NCALD: variants seen among roughly 807,000 people sequenced by gnomAD.
NCALD encodes the protein neurocalcin delta, also known as neurocalcin-delta.
A neutral mutation model predicts 18.6 loss-of-function variants in NCALD; 10 were observed. The observed-to-expected ratio is 0.54, with a 90% confidence interval of 0.33 to 0.91. The LOEUF is 0.91. Ranked by LOEUF, NCALD falls within the 40% of genes least tolerant of loss-of-function variation. The pLI is 0.03. For missense variants in NCALD, 184 were observed against 247.6 expected (o/e 0.74, Z 1.72); for synonymous variants, 88 against 87.4 (o/e 1.01, Z -0.04).
At chr8:101,691,705 A>G in intron 3 of NCALD, 2 of 985,424 alleles carry the variant, frequency 2.0e-6, no homozygotes, top group Non-Finnish European at 2.4e-6. Context: ...GGAGGAAACA[A>G]GCAAGCAGAC....
At chr8:102,068,169 T>C (rs1054413655) in intron 1 of NCALD, among the ~76,000 whole-genome samples, 2 of 152,112 alleles carry the variant, frequency 1.3e-5, no homozygotes, top group South Asian at 2.1e-4. Context: ...TAGAAGCATA[T>C]CAGGAATCAA....
At chr8:101,711,625 C>T (rs1311034504) in intron 2 of NCALD, among the ~76,000 whole-genome samples, 1 of 151,562 alleles carries the variant, frequency 6.6e-6, no homozygotes, top group Non-Finnish European at 1.5e-5. Context: ...GTGAAGCATA[C>T]ACAAGTATCA....
chr8:102,096,986 A>T (rs1370215060), intron 1 of NCALD, among the ~76,000 whole-genome samples: 1 of 152,174 alleles, frequency 6.6e-6, no homozygotes, highest in Non-Finnish European at 1.5e-5. Flanking sequence ...TCACATTCTG[A>T]GGTACTGGGG....
intron 4 of NCALD, among the ~76,000 whole-genome samples, chr8:101,874,251 A>C (rs971607317): frequency 1.3e-5 from 2 of 152,238 alleles, no homozygotes; most frequent in African/African-American, 4.8e-5. Flanking sequence ...TGATAGCTGT[A>C]TCTAGACACT....
At chr8:101,892,689 C>T (rs1332828089) in intron 3 of NCALD, among the ~76,000 whole-genome samples, 1 of 150,388 alleles carries the variant, frequency 6.6e-6, no homozygotes, top group African/African-American at 2.5e-5. Context: ...AAGCTGAAAA[C>T]CAAGGCTCGA....
At chr8:101,899,350 A>G (rs767286628) in intron 3 of NCALD, among the ~76,000 whole-genome samples, 2 of 151,596 alleles carry the variant, frequency 1.3e-5, no homozygotes, top group African/African-American at 2.4e-5. Context: ...GAATGGTTTT[A>G]TTTCTTCCTT....
intron 3 of NCALD, among the ~76,000 whole-genome samples, chr8:101,894,601 T>C (rs1488961855): frequency 1.4e-5 from 2 of 142,744 alleles, no homozygotes; most frequent in Non-Finnish European, 1.5e-5. Context: ...ATCAACAAAA[T>C]TGATAGACTG....
chr8:101,974,945 T>G (rs1430336358), intron 2 of NCALD, among the ~76,000 whole-genome samples: 1 of 152,184 alleles, frequency 6.6e-6, no homozygotes, highest in Non-Finnish European at 1.5e-5. Context: ...ATATACTGAA[T>G]CAACGCAATT....
chr8:102,104,079 G>A (rs1411825091), intron 1 of NCALD, among the ~76,000 whole-genome samples: 1 of 152,150 alleles, frequency 6.6e-6, no homozygotes, highest in African/African-American at 2.4e-5. Flanking sequence ...AGGTCGCGTA[G>A]CCTCAAACTA....
intron 1 of NCALD, among the ~76,000 whole-genome samples, chr8:101,755,871 T>A (rs899295463): frequency 6.6e-6 from 1 of 152,204 alleles, no homozygotes; most frequent in African/African-American, 2.4e-5. Context: ...ATCAGATGAC[T>A]CTTTTACCAG....
intron 1 of NCALD, among the ~76,000 whole-genome samples, chr8:102,107,505 GA>G (rs1316125277): frequency 1.3e-5 from 2 of 151,966 alleles, no homozygotes. Flanking sequence ...AAAAATCAGA[GA>G]ACTAAAGTAT....
intron 1 of NCALD, among the ~76,000 whole-genome samples, chr8:101,743,544 C>T (rs555945182): frequency 6.6e-6 from 1 of 152,238 alleles, no homozygotes; most frequent in African/African-American, 2.4e-5. Context: ...GTTTTATGGG[C>T]ACAGGGGGAT....
intron 2 of NCALD, among the ~76,000 whole-genome samples, chr8:101,712,587 C>CAAAGAAA (rs1815852087): frequency 1.3e-5 from 1 of 78,908 alleles, no homozygotes. Context: ...AAATGGAAAG[C>CAAAGAAA]AAAAAAAAAA....
chr8:102,096,602 G>T (rs1825110945), intron 1 of NCALD, among the ~76,000 whole-genome samples: 1 of 152,246 alleles, frequency 6.6e-6, no homozygotes, highest in African/African-American at 2.4e-5. Flanking sequence ...TTGCATAGGA[G>T]TGTGACCTTT....
At chr8:102,101,900 A>C (rs1352423527) in intron 1 of NCALD, among the ~76,000 whole-genome samples, 1 of 152,188 alleles carries the variant, frequency 6.6e-6, no homozygotes, top group Admixed American at 6.5e-5. Flanking sequence ...TTAATTTTCT[A>C]TCTTATGGAG....
intron 4 of NCALD, among the ~76,000 whole-genome samples, chr8:101,863,880 G>A (rs973474303): frequency 3.9e-5 from 6 of 152,172 alleles, no homozygotes; most frequent in African/African-American, 1.4e-4. Flanking sequence ...AACCAGGGTT[G>A]TGGTTCACTT....
intron 1 of NCALD, among the ~76,000 whole-genome samples, chr8:102,035,287 T>C (rs1822823200): frequency 1.3e-5 from 2 of 152,182 alleles, no homozygotes; most frequent in African/African-American, 4.8e-5. Flanking sequence ...CTCTTCCTTA[T>C]ATTAACCCAA....
At chr8:102,016,985 GAT>G (rs2132086215) in intron 2 of NCALD, among the ~76,000 whole-genome samples, 1 of 152,110 alleles carries the variant, frequency 6.6e-6, no homozygotes, top group South Asian at 2.1e-4. Flanking sequence ...TGCAAGAAAA[GAT>G]AAAGGATCTT....
At chr8:101,715,190 C>G (rs2130382119) in intron 2 of NCALD, among the ~76,000 whole-genome samples, 1 of 152,290 alleles carries the variant, frequency 6.6e-6, no homozygotes, top group African/African-American at 2.4e-5. Context: ...CTACAACCAT[C>G]TGATCTTTGA....
Sources: gnomAD v4.1 joint callset for allele counts (sites outside exome capture counted in the v4.1 genomes callset) on GRCh38, gnomAD v4.1.1 for gene constraint, MANE v1.5 for transcripts, NCBI Gene and HGNC (gene_info 2026-07-23, HGNC 2026-07-21) for gene names.